Variants in DUOX1 observed in about 807,000 individuals in gnomAD.
The protein encoded by DUOX1 is NADPH thyroid oxidase 1.
Under a neutral mutation model 181.8 loss-of-function variants are expected in DUOX1, and 134 were observed. The ratio of observed to expected loss-of-function variants is 0.74; its 90% CI spans 0.64 to 0.85. DUOX1 has a LOEUF of 0.85. Among genes scored for constraint, DUOX1 ranks in the 40% least tolerant of loss-of-function variants. The pLI is 0.00. For missense variants in DUOX1, 1,814 were observed against 2,064.4 expected (o/e 0.88, Z 2.35); for synonymous variants, 798 against 832.5 (o/e 0.96, Z 0.71).
At position 45,160,879 on chromosome 15, in the gene DUOX1, T is replaced by TGA; in HGVS notation, c.3745_3746insGA (p.Phe1249Ter). ...CTTTGCCCTGATCCAGCTGCCCCGT[T>TGA]TCCACATCTTCTTCCTGGTCCCAGC... ...GSFALIQLPR[F>*]HIFFLVPAII... The change falls in exon 29 of 34, where the codon TTC (phenylalanine) becomes TGATC (stop). Residue 1249 changes from phenylalanine to a stop codon, truncating the protein, a stop_gained and frameshift_variant. Coordinates refer to ENST00000389037, the MANE Select transcript of DUOX1 (RefSeq NM_175940.3). LOFTEE classifies it high-confidence loss of function. The TGA allele has an allele frequency of 6.2e-7, 1 of 1,613,470 alleles. No individual in the cohort carries two copies. The highest frequency in any genetic ancestry group is 8.5e-7 in the Non-Finnish European group (1 of 1,179,542).
intron 20 of DUOX1, 47 bp downstream of exon 20, chr15:45,148,044 C>G: frequency 6.5e-7 from 1 of 1,542,316 alleles, no homozygotes; most frequent in East Asian, 2.2e-5. Context: ...GCAGGGATGC[C>G]AGGGCAAATA....
Position 45,155,941 on chromosome 15 carries a change from T to C in DUOX1, c.3702+12T>C. On this transcript the variant is annotated intron_variant, in intron 28 of 33. Transcript: ENST00000389037. ...TGCTCTATGTCCTGGTGAGGGCTTT[T>C]GGCTGTGAGCCAGGCCAGGAGGGTA... is the stretch of plus-strand genomic sequence containing the variant. 6.2e-7 allele frequency: 1 copy of C among 1,614,178 alleles called. No individual in the cohort carries two copies. Among genetic ancestry groups the C allele is most frequent in the Admixed American group, 1.7e-5 (1 of 60,024 alleles).
rs553973044 is a variant in DUOX1 at position 45,164,129 on chromosome 15, G to A, written c.4533+211G>A. On this transcript the variant is annotated intron_variant, in intron 33 of 33. Transcript: ENST00000389037. ...GCAATAGGGACTTGCCATCTCTGAA[G>A]CCAAGATGTATTGTCCAGAAGGAAG... Among the ~76,000 whole-genome samples, 22 of 152,304 alleles carry A rather than the reference G, an allele frequency of 1.4e-4. 1 individual carries two copies. Among genetic ancestry groups the A allele is most frequent in the Admixed American group, 1.4e-3 (22 of 15,298 alleles).
chr15:45,140,917 T>G lies in DUOX1; in HGVS notation c.1412T>G (p.Leu471Arg). The part of the protein sequence containing the change: ...NDTVLEATAA[L>R]YNQDLSWLEL... The stretch of plus-strand genomic sequence containing the variant: ...CAGGTACTGGAGGCCACAGCTGCCC[T>G]GTACAACCAGGACTTATCCTGGCTA... The change falls in exon 13 of 34, where the codon CTG becomes CGG. Residue 471 changes from leucine (L) to arginine (R), a missense_variant. Leu to Arg is a moderately radical substitution (Grantham distance 102). Around this residue, in one of 5 missense-constraint regions of DUOX1, gnomAD observed 1,064 missense variants for 1,152.9 expected, o/e 0.92. Coordinates refer to ENST00000389037, the MANE Select transcript of DUOX1 (RefSeq NM_175940.3). The G allele has an allele frequency of 1.9e-6, 3 of 1,614,142 alleles. No homozygotes were observed. Among genetic ancestry groups the G allele is most frequent in the Non-Finnish European group, 2.5e-6 (3 of 1,180,016 alleles).
chr15:45,136,465 G>A, intron 8 of DUOX1, 55 bp downstream of exon 8: 4 of 1,614,036 alleles, frequency 2.5e-6, no homozygotes, highest in South Asian at 2.2e-5. Context: ...GCGGGGTGGG[G>A]TGGGGACTAC....
At chr15:45,148,040 A>T in intron 20 of DUOX1, 43 bp downstream of exon 20, 2 of 1,550,086 alleles carry the variant, frequency 1.3e-6, no homozygotes, top group Non-Finnish European at 1.8e-6. Flanking sequence ...CAGGGCAGGG[A>T]TGCCAGGGCA....
chr15:45,134,595 G>C (rs573748355), intron 4 of DUOX1, among the ~76,000 whole-genome samples: 1 of 152,302 alleles, frequency 6.6e-6, no homozygotes, highest in African/African-American at 2.4e-5. Flanking sequence ...TGGGGGTAAG[G>C]GGCTGGTAGA....
intron 18 of DUOX1, among the ~76,000 whole-genome samples, chr15:45,146,237 A>T (rs76239388): frequency 1.3e-5 from 2 of 152,238 alleles, no homozygotes; most frequent in South Asian, 2.1e-4. Flanking sequence ...AAGCAGGATC[A>T]TGTGGTTGGG....
Position 45,139,475 on chromosome 15 carries a change from G to A in DUOX1, c.1265G>A (p.Ser422Asn). Residue 422 changes from serine (S) to asparagine (N), a missense_variant, in exon 12 of 34, where the codon AGC becomes AAC. Physicochemically the swap from Ser to Asn is conservative, Grantham distance 46 (BLOSUM62 1). This residue lies in a region of DUOX1 where 1,064 missense variants were observed against 1,152.9 expected (regional missense o/e 0.92). Coordinates refer to ENST00000389037, the MANE Select transcript of DUOX1 (RefSeq NM_175940.3). The part of the protein sequence containing the change: ...LKFSRTDHLA[S>N]CLQRGRDLGL... ...TTTTCCCGCACAGACCACCTGGCCA[G>A]CTGCCTGCAGCGGGGCCGGGATCTG... The A allele has an allele frequency of 6.2e-7, 1 of 1,612,858 alleles. No individual in the cohort carries two copies. Among genetic ancestry groups the A allele is most frequent in the Non-Finnish European group, 8.5e-7 (1 of 1,179,686 alleles).
At chr15:45,151,800 C>T in intron 23 of DUOX1, 74 bp from the exon 24 acceptor site, 1 of 1,501,638 alleles carries the variant, frequency 6.7e-7, no homozygotes, top group Non-Finnish European at 9.0e-7. Context: ...GGGCGGCTCA[C>T]CTCCGTGAAG....
Position 45,150,682 on chromosome 15 carries a change from A to C in DUOX1, c.2869A>C (p.Ile957Leu). Residue 957 changes from isoleucine (I) to leucine (L), a missense_variant, in exon 22 of 34, where the codon ATC becomes CTC. By Grantham distance (5) the Ile-to-Leu change is conservative (BLOSUM62 2). Coordinates refer to ENST00000389037, the MANE Select transcript of DUOX1 (RefSeq NM_175940.3). ...GGACCTCTGCCGGCGAGCCTCCTACATCAGCCAGGATATGATCTGGTGAGC... is the reference window on the plus strand; with the variant it reads ...GGACCTCTGCCGGCGAGCCTCCTACCTCAGCCAGGATATGATCTGGTGAGC... ...IKDLCRRASY[I>L]SQDMICPSPR... 2 of 1,613,942 alleles carry C rather than the reference A, an allele frequency of 1.2e-6. No homozygotes were observed. Among genetic ancestry groups the C allele is most frequent in the East Asian group, 2.2e-5 (1 of 44,888 alleles).
intron 28 of DUOX1, among the ~76,000 whole-genome samples, chr15:45,157,880 C>T (rs987840956): frequency 6.6e-6 from 1 of 151,840 alleles, no homozygotes; most frequent in East Asian, 1.9e-4. Flanking sequence ...CTAGGCTATC[C>T]TCACCAGCAG....
intron 28 of DUOX1, among the ~76,000 whole-genome samples, chr15:45,160,577 T>C (rs549046460): frequency 6.6e-6 from 1 of 152,372 alleles, no homozygotes; most frequent in South Asian, 2.1e-4. Context: ...GGAAGGCTCC[T>C]GCATGAGTCC....
At chr15:45,154,034 C>A (rs754058971) in intron 27 of DUOX1, 34 bp downstream of exon 27, 1 of 1,605,578 alleles carries the variant, frequency 6.2e-7, no homozygotes, top group East Asian at 2.2e-5. Flanking sequence ...AATTTCTGGA[C>A]CTGACTGTGA....
chr15:45,158,092 G>A (rs963363022), intron 28 of DUOX1, among the ~76,000 whole-genome samples: 3 of 152,174 alleles, frequency 2.0e-5, no homozygotes, highest in African/African-American at 7.2e-5. Flanking sequence ...GGCTGAGCTG[G>A]CTGAGCCACC....
intron 28 of DUOX1, 88 bp from the exon 29 acceptor site, chr15:45,160,749 G>A: frequency 7.2e-7 from 1 of 1,391,240 alleles, no homozygotes; most frequent in Non-Finnish European, 9.3e-7. Context: ...ATACCAGCGG[G>A]GAAGTATGGA....
At position 45,135,088 on chromosome 15, in the gene DUOX1, C is replaced by G. The variant is rs570965561; in HGVS notation, c.308-16C>G. ...CCCTCTGCTTGCCCTAGCACCCCCTCCTGCACTGCCCGCAGGCTATCACGT... is the reference window on the plus strand; with the variant it reads ...CCCTCTGCTTGCCCTAGCACCCCCTGCTGCACTGCCCGCAGGCTATCACGT... On this transcript the variant is annotated splice_polypyrimidine_tract_variant and intron_variant, in intron 4 of 33. Coordinates refer to ENST00000389037, the MANE Select transcript of DUOX1 (RefSeq NM_175940.3). 2 of 1,613,040 alleles carry G rather than the reference C, an allele frequency of 1.2e-6. No individual in the cohort carries two copies. The highest frequency in any genetic ancestry group is 2.7e-5 in the African/African-American group (2 of 74,778).
intron 25 of DUOX1, 171 bp downstream of exon 25, chr15:45,152,687 A>T (rs1167833268): frequency 6.0e-6 from 4 of 671,528 alleles, no homozygotes; most frequent in Middle Eastern, 6.1e-4. Context: ...GTCGCTGGTC[A>T]CTTCCAAGTG....
rs1297650559 is a variant in DUOX1, at chr15:45,160,869, G to A, written c.3735G>A (p.Gln1245=). 1.2e-6 allele frequency: 2 copies of A among 1,612,134 alleles called. No homozygotes were observed. The highest frequency in any genetic ancestry group is 1.3e-5 in the African/African-American group (1 of 74,916). ...LIIHGSFALI[Q]LPRFHIFFLV... is the part of the protein sequence containing the mutation. ...TCCATGGTAGCTTTGCCCTGATCCA[G>A]CTGCCCCGTTTCCACATCTTCTTCC... The change falls in exon 29 of 34, where the codon CAG becomes CAA. Residue 1245 remains glutamine, a synonymous_variant. Transcript: ENST00000389037.
Sources: allele counts gnomAD v4.1 joint callset (sites outside exome capture counted in the v4.1 genomes callset), GRCh38; gene constraint gnomAD v4.1.1; regional missense constraint gnomAD v4.1.1; transcripts MANE v1.5; gene names NCBI Gene and HGNC (gene_info 2026-07-23, HGNC 2026-07-21).